Variants in SHTN1 observed in about 807,000 individuals in gnomAD.
The protein encoded by SHTN1 is shootin 1.
In SHTN1, 42 loss-of-function variants were observed where a neutral mutation model predicts 83.1. The ratio of observed to expected loss-of-function variants is 0.51; its 90% confidence interval spans 0.39 to 0.65. The LOEUF is 0.65. Ranked by LOEUF, SHTN1 falls within the 30% of genes least tolerant of loss-of-function variation. The probability of loss-of-function intolerance (pLI) is 0.00; values close to 1 mark genes in which losing one functional copy is unlikely to be tolerated. For missense variants in SHTN1, 622 were observed against 737.8 expected (o/e 0.84, Z 1.82); for synonymous variants, 224 against 247.7 (o/e 0.90, Z 0.90).
At chr10:116,889,543 G>A (rs1847269726) in intron 16 of SHTN1, among the ~76,000 whole-genome samples, 1 of 152,150 alleles carries the variant, frequency 6.6e-6, no homozygotes, top group African/African-American at 2.4e-5. Flanking sequence ...TAGGGCAATC[G>A]TCTAGTCTGA....
At chr10:116,917,877 A>G (rs1848431645) in intron 12 of SHTN1, among the ~76,000 whole-genome samples, 1 of 152,216 alleles carries the variant, frequency 6.6e-6, no homozygotes, top group Non-Finnish European at 1.5e-5. Flanking sequence ...AAGGAAAAGG[A>G]ATCATTCTTA....
At chr10:117,120,078 CA>C (rs1018744141) in intron 1 of SHTN1, among the ~76,000 whole-genome samples, 12 of 150,288 alleles carry the variant, frequency 8.0e-5, no homozygotes, top group African/African-American at 1.5e-4. Context: ...TTAATGGGTA[CA>C]AAAAAAATAG....
chr10:117,105,049 C>G (rs1390823968), intron 1 of SHTN1, among the ~76,000 whole-genome samples: 1 of 152,016 alleles, frequency 6.6e-6, no homozygotes, highest in Non-Finnish European at 1.5e-5. Context: ...CAACACTCCA[C>G]AACCTTCACA....
At chr10:116,900,439 T>A in intron 16 of SHTN1, 1 of 1,144,286 alleles carries the variant, frequency 8.7e-7, no homozygotes, top group Non-Finnish European at 1.3e-6. Flanking sequence ...GGCCTGCAAT[T>A]ATTTCATTTC....
Position 116,921,440 on chromosome 10 carries a change from C to T in SHTN1, c.1189G>A (p.Glu397Lys), listed in dbSNP as rs1242745287. Residue 397 changes from glutamate (E) to lysine (K), a missense_variant, in exon 12 of 17, where the codon GAA becomes AAA. By Grantham distance (56) the Glu-to-Lys change is moderately conservative. This residue lies in a region of SHTN1 where 383 missense variants were observed against 455.8 expected (regional missense o/e 0.84). Transcript: ENST00000355371. Reference protein sequence around the residue: ...GAKKEKATQPETTEEVTDLKR... With the variant: ...GAKKEKATQPKTTEEVTDLKR... ...CAATAGAAGTGATGCTTACTTGTTT[C>T]TGGTTGAGTTGCCTTTTCTTTCTTA... 6.2e-7 allele frequency: 1 copy of T among 1,612,526 alleles called. No individual in the cohort carries two copies. Among genetic ancestry groups the T allele is most frequent in the Admixed American group, 1.7e-5 (1 of 59,926 alleles).
rs192653573 is a variant in SHTN1 at position 116,897,650 on chromosome 10, A to G, written c.1673+4115T>C. On this transcript the variant is annotated intron_variant, in intron 16 of 16. Coordinates refer to ENST00000355371, the MANE Select transcript of SHTN1 (RefSeq NM_001127211.3). ...AGGAATTTATTAAAATGCTTTTCCT[A>G]TATGATCTAATTTACATGACAGTCC... Among the ~76,000 whole-genome samples, 372 of 152,312 alleles carry G rather than the reference A, an allele frequency of 2.4e-3. 1 individual carries two copies. The highest frequency in any genetic ancestry group is 8.4e-3 in the African/African-American group (350 of 41,576).
intron 8 of SHTN1, among the ~76,000 whole-genome samples, chr10:116,944,321 G>A (rs1365831679): frequency 6.6e-6 from 1 of 151,816 alleles, no homozygotes; most frequent in South Asian, 2.1e-4. Context: ...TTTAAATTTT[G>A]CCATTAAAAT....
intron 1 of SHTN1, among the ~76,000 whole-genome samples, chr10:116,996,807 T>C (rs1453289700): frequency 6.6e-6 from 1 of 152,138 alleles, no homozygotes; most frequent in Non-Finnish European, 1.5e-5. Flanking sequence ...TATGAGACAA[T>C]ATACTTAAAT....
chr10:116,886,174 C>A lies in SHTN1; in HGVS notation c.*170G>T. On this transcript the variant is annotated 3_prime_UTR_variant, in exon 17 of 17. Transcript: ENST00000355371. ...TACTAGGAATGTGTGTTTTGCTAAA[C>A]AGCTTACTTATGTTTATAGTTGCTA... The A allele has an allele frequency of 1.1e-6, 1 of 939,072 alleles. No homozygotes were observed. Among genetic ancestry groups the A allele is most frequent in the Non-Finnish European group, 1.5e-6 (1 of 647,206 alleles). 58.2% of individuals were successfully genotyped at this position (939,072 alleles called of 1,614,324 possible).
At chr10:117,115,588 T>C (rs555847973) in intron 1 of SHTN1, among the ~76,000 whole-genome samples, 53 of 152,316 alleles carry the variant, frequency 3.5e-4, no homozygotes, top group Non-Finnish European at 5.6e-4. Flanking sequence ...ACTGGACTAC[T>C]GCAAGTCTCC....
chr10:117,033,889 A>G lies in SHTN1; in HGVS notation c.-123+14556T>C, dbSNP rs147890166. On this transcript the variant is annotated intron_variant, in intron 2 of 17. Transcript: ENST00000392901. ...TAGTTCAAAATATACAAGTCAATCA[A>G]TGTGATACATCATATCACAGAATGA... Among the ~76,000 whole-genome samples the G allele has an allele frequency of 2.5e-4, 38 of 152,310 alleles. 1 individual carries two copies. In the East Asian group the frequency reaches 7.1e-3, roughly 29 times the overall value.
At chr10:116,962,498 T>A (rs1210493007) in intron 3 of SHTN1, among the ~76,000 whole-genome samples, 1 of 152,192 alleles carries the variant, frequency 6.6e-6, no homozygotes, top group East Asian at 1.9e-4. Flanking sequence ...GTATTTCCAC[T>A]ATCATAACAA....
At chr10:116,969,373 G>A (rs757480421) in intron 2 of SHTN1, among the ~76,000 whole-genome samples, 13 of 151,366 alleles carry the variant, frequency 8.6e-5, no homozygotes, top group Non-Finnish European at 1.6e-4. Context: ...CCTGGGAGGT[G>A]GAAGTTGCAC....
chr10:117,007,779 G>A (rs556328536), upstream of SHTN1, among the ~76,000 whole-genome samples: 10 of 151,892 alleles, frequency 6.6e-5, no homozygotes, highest in South Asian at 1.0e-3. Context: ...ATGGGAGGCC[G>A]AGGCGGGCAG....
chr10:116,893,626 T>C (rs892700689), intron 16 of SHTN1, among the ~76,000 whole-genome samples: 3 of 46,022 alleles, frequency 6.5e-5, no homozygotes, highest in African/African-American at 1.6e-4. Context: ...GCGGAGGTTA[T>C]GAGGAAATGG....
At chr10:116,952,194 T>C (rs1849804510) in intron 5 of SHTN1, among the ~76,000 whole-genome samples, 188 bp from the exon 6 acceptor site, 1 of 152,146 alleles carries the variant, frequency 6.6e-6, no homozygotes, top group Non-Finnish European at 1.5e-5. Context: ...AAAATAGCCA[T>C]GGATATTAAC....
At chr10:116,980,527 T>A (rs1297989772) in intron 1 of SHTN1, among the ~76,000 whole-genome samples, 1 of 151,242 alleles carries the variant, frequency 6.6e-6, no homozygotes, top group African/African-American at 2.4e-5. Flanking sequence ...TTTGAACTTT[T>A]GCTTTATGGA....
At chr10:117,124,234 C>G (rs1464813255) in intron 1 of SHTN1, among the ~76,000 whole-genome samples, 2 of 148,514 alleles carry the variant, frequency 1.3e-5, no homozygotes, top group African/African-American at 2.5e-5. Flanking sequence ...AAAAGCCAAA[C>G]TTCAGATGTG....
intron 1 of SHTN1, among the ~76,000 whole-genome samples, chr10:117,095,286 G>T (rs1371697794): frequency 6.6e-6 from 1 of 152,184 alleles, no homozygotes. Flanking sequence ...GAGAGAAAAA[G>T]GGATAACTGC....
Sources: allele counts gnomAD v4.1 joint callset (sites outside exome capture counted in the v4.1 genomes callset), GRCh38; gene constraint gnomAD v4.1.1; regional missense constraint gnomAD v4.1.1; transcripts MANE v1.5; gene names NCBI Gene and HGNC (gene_info 2026-07-23, HGNC 2026-07-21).